The following ASMTL variants were observed in gnomAD, a reference collection of about 807,000 sequenced individuals.
ASMTL encodes acetylserotonin O-methyltransferase like, also known as probable bifunctional dTTP/UTP pyrophosphatase/methyltransferase protein.
A neutral mutation model predicts 60.3 loss-of-function variants in ASMTL; 57 were observed. The ratio of observed to expected loss-of-function variants is 0.95; its 90% CI spans 0.76 to 1.18. The LOEUF is 1.18. Among genes scored for constraint, ASMTL ranks in the 50% most tolerant of loss-of-function variants. The pLI is 0.00. For missense variants in ASMTL, 981 were observed against 852.6 expected (o/e 1.15, Z -1.88); for synonymous variants, 419 against 373.0 (o/e 1.12, Z -1.42).
chrX:1,432,439 A>T (rs2090822315), intron 5 of ASMTL, 62 bp from the exon 6 acceptor site: 7 of 1,299,084 alleles, frequency 5.4e-6, no homozygotes, highest in Non-Finnish European at 7.7e-6. Context: ...GTGCCCTGAC[A>T]GCTGCGTGGC....
chrX:1,442,175 G>A lies in ASMTL; in HGVS notation c.225+11C>T, dbSNP rs765431564. The A allele has an allele frequency of 1.9e-6, 3 of 1,612,998 alleles. No individual in the cohort carries two copies. The South Asian group carries it at 3.3e-5, about 18-fold the overall frequency. ...AATTTTCATAAGGGCCGAAGGGCAG[G>A]GGCCCCTTGCCTGGTACAGCCGGTT... On this transcript the variant is annotated intron_variant, in intron 2 of 12. Transcript: ENST00000381317.
intron 12 of ASMTL, among the ~76,000 whole-genome samples, chrX:1,411,624 G>GCTGACACTTCAGCAACACGGCTGTAAA (rs757145240): frequency 0.64 from 96,279 of 150,824 alleles, 31,181 homozygotes; most frequent in African/African-American, 0.74. Context: ...ATTAGATCCA[G>GCTGACACTTCAGCAACACGGCTGTAAA]CTGCAGAGTC....
At chrX:1,453,645 A>AT (rs2091449391), upstream of ASMTL, 1 of 144,858 alleles carries the variant, frequency 6.9e-6, no homozygotes, top group African/African-American at 2.6e-5. Context: ...CGGCGCAGAG[A>AT]TGGGGGTCTT....
chrX:1,451,169 C>G (rs1161249104), intron 1 of ASMTL, among the ~76,000 whole-genome samples: 1 of 129,908 alleles, frequency 7.7e-6, no homozygotes, highest in East Asian at 2.4e-4. Flanking sequence ...CCTCCCTCCC[C>G]ATCCCTAGGG....
At chrX:1,448,489 G>A (rs1400759408) in intron 1 of ASMTL, among the ~76,000 whole-genome samples, 24 of 141,910 alleles carry the variant, frequency 1.7e-4, no homozygotes, top group African/African-American at 6.4e-4. Flanking sequence ...GACACACACT[G>A]CCATCTTGGA....
chrX:1,435,904 G>C, intron 3 of ASMTL, 146 bp from the exon 4 acceptor site: 1 of 724,298 alleles, frequency 1.4e-6, no homozygotes, highest in Non-Finnish European at 2.5e-6. Flanking sequence ...CAACTAACCA[G>C]AGTTGCCATG....
At chrX:1,416,186 CACAG>C (rs2090247071) in intron 11 of ASMTL, among the ~76,000 whole-genome samples, 1 of 147,142 alleles carries the variant, frequency 6.8e-6, no homozygotes, top group African/African-American at 2.7e-5. Flanking sequence ...GACAGGCACA[CACAG>C]ACGCAGACAT....
intron 5 of ASMTL, among the ~76,000 whole-genome samples, chrX:1,433,554 C>CA (rs1569533981): frequency 6.7e-6 from 1 of 149,514 alleles, no homozygotes; most frequent in African/African-American, 2.5e-5. Context: ...TGGTGGCGGG[C>CA]CCGTCGTCCC....
chrX:1,425,645 T>C lies in ASMTL; in HGVS notation c.940A>G (p.Lys314Glu). The change falls in exon 8 of 13, where the codon AAA becomes GAA. Residue 314 changes from lysine (K) to glutamate (E), a missense_variant. Lys to Glu is a moderately conservative substitution (Grantham distance 56, BLOSUM62 1). Transcript: ENST00000381317. ...ACKLKVFDLL[K>E]DEAPQKAADI... ...GCAGCCTTCTGGGGTGCTTCATCTT[T>C]TAACAAATCGAACACCTTCAGTTTG... The C allele has an allele frequency of 1.2e-6, 2 of 1,613,736 alleles. No individual in the cohort carries two copies. The highest frequency in any genetic ancestry group is 1.1e-5 in the South Asian group (1 of 91,068).
At chrX:1,425,415 G>A in intron 8 of ASMTL, 110 bp downstream of exon 8, 2 of 1,247,294 alleles carry the variant, frequency 1.6e-6, no homozygotes. Context: ...AGGGCAGAGG[G>A]ACAGAAGGTG....
At chrX:1,436,945 G>A (rs2090981977) in intron 3 of ASMTL, among the ~76,000 whole-genome samples, 1 of 152,242 alleles carries the variant, frequency 6.6e-6, no homozygotes, top group South Asian at 2.1e-4. Context: ...GAGACTGGAA[G>A]GGCGAGATCC....
Position 1,403,308 on chromosome X carries a change from AC to A in ASMTL, c.1826del (p.Gly609ValfsTer22). 2.5e-6 allele frequency: 4 copies of A among 1,612,884 alleles called. No individual in the cohort carries two copies. In the South Asian group the frequency reaches 3.3e-5, roughly 13 times the overall value. On this transcript the variant is annotated frameshift_variant, in exon 13 of 13. Transcript: ENST00000381317. LOFTEE classifies it high-confidence loss of function. Reference sequence around the variant, plus strand: ...TGGTGGCCAAGATGGCATCCAGGACACCCCCCAAGTGCACCACCTGCACCTG... The same window carrying A: ...TGGTGGCCAAGATGGCATCCAGGACACCCCCAAGTGCACCACCTGCACCTG... ...FHQVQVVHLG[G>X]VLDAILATKV...
chrX:1,419,099 TCTGGTAG>T lies in ASMTL; in HGVS notation c.1254_1260del (p.Tyr418Ter). On this transcript the variant is annotated frameshift_variant, in exon 10 of 13. Coordinates refer to ENST00000381317, the MANE Select transcript of ASMTL (RefSeq NM_004192.4). LOFTEE classifies it high-confidence loss of function. ...ATGAACCTCAGCCGCGTCTCCGGGC[TCTGGTAG>T]TACGCATCCTGGAACACAGCAGGTG... 1 of 1,611,270 alleles carries T rather than the reference TCTGGTAG, an allele frequency of 6.2e-7. No individual in the cohort carries two copies. The highest frequency in any genetic ancestry group is 8.5e-7 in the Non-Finnish European group (1 of 1,179,544).
At chrX:1,416,080 C>T (rs2090239551) in intron 11 of ASMTL, among the ~76,000 whole-genome samples, 1 of 151,496 alleles carries the variant, frequency 6.6e-6, no homozygotes, top group South Asian at 2.1e-4. Context: ...CACAGATGGG[C>T]ACACTCACGC....
intron 11 of ASMTL, among the ~76,000 whole-genome samples, chrX:1,417,215 A>G (rs1356218100): frequency 2.0e-5 from 3 of 151,818 alleles, no homozygotes; most frequent in Non-Finnish European, 4.4e-5. Flanking sequence ...AGACACATGC[A>G]CACAGGGACA....
chrX:1,416,472 C>T (rs2090270699), intron 11 of ASMTL, among the ~76,000 whole-genome samples: 1 of 151,852 alleles, frequency 6.6e-6, no homozygotes, highest in African/African-American at 2.4e-5. Flanking sequence ...CGCAGACACA[C>T]ATGGACATAC....
chrX:1,413,483 G>T (rs1172268936), intron 11 of ASMTL, among the ~76,000 whole-genome samples: 1 of 152,226 alleles, frequency 6.6e-6, no homozygotes, highest in Admixed American at 6.5e-5. Flanking sequence ...GCCTTCTCTG[G>T]TGATCCCCTG....
intron 12 of ASMTL, among the ~76,000 whole-genome samples, chrX:1,404,964 A>T (rs1351218898): frequency 2.7e-5 from 4 of 150,190 alleles, no homozygotes; most frequent in Non-Finnish European, 4.4e-5. Flanking sequence ...AGAGGGATGG[A>T]TGGGTGAATA....
At chrX:1,426,792 G>C (rs2090624569) in intron 7 of ASMTL, among the ~76,000 whole-genome samples, 1 of 152,028 alleles carries the variant, frequency 6.6e-6, no homozygotes, top group South Asian at 2.1e-4. Flanking sequence ...AATTACATCT[G>C]CTAAGACCCC....
Sources: allele counts gnomAD v4.1 joint callset (sites outside exome capture counted in the v4.1 genomes callset), GRCh38; gene constraint gnomAD v4.1.1; transcripts MANE v1.5; gene names NCBI Gene and HGNC (gene_info 2026-07-23, HGNC 2026-07-21).